Variants in TBC1D32 observed in about 807,000 individuals in gnomAD.
The protein encoded by TBC1D32 is TBC1 domain family member 32.
In TBC1D32, 151 loss-of-function variants were observed where a neutral mutation model predicts 170.3. That is an observed-to-expected ratio of 0.89 (90% CI 0.78 to 1.01). The LOEUF (loss-of-function observed/expected upper bound fraction) is 1.01. Ranked by LOEUF, TBC1D32 falls within the 50% of genes least tolerant of loss-of-function variation. TBC1D32 has a pLI of 0.00. For synonymous variants in TBC1D32, 498 were observed against 488.0 expected, an observed-to-expected ratio of 1.02 and a Z score of -0.27; for missense variants, 1,464 against 1,457.1, an observed-to-expected ratio of 1.00 and a Z score of -0.08.
chr6:121,079,738 A>G lies in TBC1D32; in HGVS notation c.*1033T>C, dbSNP rs557588061. The stretch of plus-strand genomic sequence containing the variant: ...TTTAAATAAGACAAATCATAGTGTT[A>G]GCCATTTAAAATAATTTAGAAATGT... On this transcript the variant is annotated 3_prime_UTR_variant, in exon 32 of 32. Transcript: ENST00000398212. 4 of 152,186 alleles carry G rather than the reference A, an allele frequency of 2.6e-5. No individual in the cohort carries two copies. Among genetic ancestry groups the G allele is most frequent in the African/African-American group, 9.6e-5 (4 of 41,476 alleles). The allele number at this position is 152,186 out of a possible 1,614,324, so 9.4% of individuals were successfully genotyped here. A position where few individuals can be genotyped will look rare whatever the true frequency, so the allele number is the denominator to read the frequency against.
rs545336961 is a variant in TBC1D32 at position 121,314,207 on chromosome 6, A to G, written c.495+3288T>C. Among the ~76,000 whole-genome samples, 6 of 152,172 alleles carry G rather than the reference A, an allele frequency of 3.9e-5. No individual in the cohort carries two copies. In the South Asian group the frequency reaches 1.2e-3, roughly 32 times the overall value. On this transcript the variant is annotated intron_variant, in intron 3 of 31. Transcript: ENST00000398212. The stretch of plus-strand genomic sequence containing the variant: ...CATCTTCAAAAACAGCAATCACATC[A>G]CTACAACCTCTATGTCAGCCTTCAC...
At chr6:121,192,905 T>C (rs543160584) in intron 22 of TBC1D32, among the ~76,000 whole-genome samples, 24 of 152,246 alleles carry the variant, frequency 1.6e-4, no homozygotes, top group African/African-American at 5.5e-4. Context: ...CCTGAGACAG[T>C]TGCCCAGAAA....
At position 121,269,617 on chromosome 6, in the gene TBC1D32, C is replaced by A. The variant is rs139974240; in HGVS notation, c.1733+9504G>T. 1.3e-3 allele frequency among the ~76,000 whole-genome samples: 203 copies of A among 152,190 alleles called. 1 individual carries two copies. The highest frequency in any genetic ancestry group is 4.7e-3 in the African/African-American group (196 of 41,516). On this transcript the variant is annotated intron_variant, in intron 15 of 31. Transcript: ENST00000398212. The stretch of plus-strand genomic sequence containing the variant: ...GAGCACCCAGATTCATAAAGCAAGT[C>A]CTTAGTGACCTACAAAGAGACTTAC...
chr6:121,247,684 A>G (rs1203031312), intron 17 of TBC1D32, among the ~76,000 whole-genome samples: 1 of 108,700 alleles, frequency 9.2e-6, no homozygotes, highest in African/African-American at 3.1e-5. Flanking sequence ...CAGATAAAAC[A>G]GGCTTTAAAG....
intron 5 of TBC1D32, among the ~76,000 whole-genome samples, chr6:121,306,560 G>A (rs1346571156): frequency 3.9e-5 from 6 of 152,016 alleles, no homozygotes; most frequent in Non-Finnish European, 7.4e-5. Flanking sequence ...ACATCATATC[G>A]ATTTTAAAGC....
chr6:121,250,597 A>G (rs1734254015), intron 17 of TBC1D32, among the ~76,000 whole-genome samples: 2 of 152,148 alleles, frequency 1.3e-5, no homozygotes, highest in African/African-American at 4.8e-5. Context: ...CAAAATAATA[A>G]GAGCTATGTA....
chr6:121,189,349 T>C, intron 22 of TBC1D32, among the ~76,000 whole-genome samples: 1 of 152,012 alleles, frequency 6.6e-6, no homozygotes, highest in Non-Finnish European at 1.5e-5. Flanking sequence ...TGCTGAACAT[T>C]AAGACTGACA....
intron 20 of TBC1D32, among the ~76,000 whole-genome samples, chr6:121,237,764 T>C (rs2128352787): frequency 6.6e-6 from 1 of 152,154 alleles, no homozygotes; most frequent in Non-Finnish European, 1.5e-5. Context: ...TAAGGATATT[T>C]CCCTTTATAT....
chr6:121,291,213 G>T (rs1804814076), intron 12 of TBC1D32, among the ~76,000 whole-genome samples: 1 of 151,950 alleles, frequency 6.6e-6, no homozygotes, highest in South Asian at 2.1e-4. Flanking sequence ...AGTTTAGGCG[G>T]TGATCAGTGC....
chr6:121,222,166 A>G, intron 21 of TBC1D32, among the ~76,000 whole-genome samples: 1 of 128,852 alleles, frequency 7.8e-6, no homozygotes, highest in East Asian at 2.4e-4. Context: ...TTTTGGCAAC[A>G]AAGTATTTTT....
At chr6:121,186,641 T>G (rs1789244348) in intron 22 of TBC1D32, among the ~76,000 whole-genome samples, 1 of 152,046 alleles carries the variant, frequency 6.6e-6, no homozygotes. Context: ...AAAAGGAAAT[T>G]TATAATTTCC....
At chr6:121,257,851 T>C (rs1290098749) in intron 15 of TBC1D32, among the ~76,000 whole-genome samples, 2 of 152,136 alleles carry the variant, frequency 1.3e-5, no homozygotes, top group African/African-American at 4.8e-5. Context: ...CACTATCCCA[T>C]TGGTCTTAGA....
At chr6:121,220,616 T>G (rs1329654521) in intron 21 of TBC1D32, among the ~76,000 whole-genome samples, 1 of 151,244 alleles carries the variant, frequency 6.6e-6, no homozygotes. Context: ...TGAAGTTAGC[T>G]ACATTAAAGA....
chr6:121,314,073 C>G, intron 3 of TBC1D32, among the ~76,000 whole-genome samples: 1 of 152,144 alleles, frequency 6.6e-6, no homozygotes, highest in East Asian at 1.9e-4. Flanking sequence ...GAATCCAAAG[C>G]CTAGCAACAA....
At chr6:121,161,577 T>C (rs1785667483) in intron 22 of TBC1D32, among the ~76,000 whole-genome samples, 1 of 152,148 alleles carries the variant, frequency 6.6e-6, no homozygotes, top group Admixed American at 6.5e-5. Flanking sequence ...GTATCACATT[T>C]TCTATCATTG....
chr6:121,240,109 A>G (rs1296711229), intron 19 of TBC1D32, among the ~76,000 whole-genome samples: 1 of 152,142 alleles, frequency 6.6e-6, no homozygotes, highest in Non-Finnish European at 1.5e-5. Context: ...AGTTCCTAAT[A>G]TAGTACCTAC....
At chr6:121,122,900 A>C (rs1053997237) in intron 26 of TBC1D32, among the ~76,000 whole-genome samples, 1 of 152,034 alleles carries the variant, frequency 6.6e-6, no homozygotes, top group Non-Finnish European at 1.5e-5. Flanking sequence ...GAGAAAAGGA[A>C]GGGGCAGGAT....
intron 20 of TBC1D32, among the ~76,000 whole-genome samples, chr6:121,238,767 A>G (rs1388963747): frequency 6.6e-6 from 1 of 151,922 alleles, no homozygotes; most frequent in Non-Finnish European, 1.5e-5. Context: ...CTTTGTTCCA[A>G]TGATTTTTTT....
chr6:121,156,141 G>C (rs950539108), intron 24 of TBC1D32, among the ~76,000 whole-genome samples: 2 of 149,638 alleles, frequency 1.3e-5, no homozygotes, highest in Non-Finnish European at 3.0e-5. Context: ...TCTGGTCCCA[G>C]GCTTTTTTTT....
Sources: allele counts gnomAD v4.1 joint callset (sites outside exome capture counted in the v4.1 genomes callset), GRCh38; gene constraint gnomAD v4.1.1; transcripts MANE v1.5; gene names NCBI Gene and HGNC (gene_info 2026-07-23, HGNC 2026-07-21).